The following RBFOX1 variants were observed in gnomAD, a reference collection of about 807,000 sequenced individuals.
RBFOX1 encodes RNA binding fox-1 homolog 1.
Under a neutral mutation model 57.7 loss-of-function variants are expected in RBFOX1, and 8 were observed. The ratio of observed to expected loss-of-function variants is 0.14; its 90% confidence interval spans 0.08 to 0.25. The LOEUF is 0.25. Ranked by LOEUF, RBFOX1 falls within the 10% of genes least tolerant of loss-of-function variation. RBFOX1 has a pLI of 1.00. For synonymous variants in RBFOX1, 326 were observed against 222.4 expected (o/e 1.47, Z -4.15); for missense variants, 611 against 548.5 (o/e 1.11, Z -1.14).
chr16:7,338,073 G>C (rs1213078835), intron 4 of RBFOX1, among the ~76,000 whole-genome samples: 1 of 152,224 alleles, frequency 6.6e-6, no homozygotes, highest in African/African-American at 2.4e-5. Context: ...GTAAGTTCCA[G>C]GGTACATGTG....
chr16:6,982,553 C>A (rs1018928614), intron 3 of RBFOX1, among the ~76,000 whole-genome samples: 1 of 152,182 alleles, frequency 6.6e-6, no homozygotes, highest in Admixed American at 6.6e-5. Flanking sequence ...TTGATGGAAT[C>A]TCCCTGTTAG....
At chr16:7,403,613 C>T (rs1216807392) in intron 4 of RBFOX1, among the ~76,000 whole-genome samples, 3 of 136,758 alleles carry the variant, frequency 2.2e-5, no homozygotes, top group African/African-American at 7.9e-5. Context: ...ATGGCACAAT[C>T]TCAGGTCAGG....
chr16:6,652,962 A>C (rs977459584), intron 2 of RBFOX1, among the ~76,000 whole-genome samples: 1 of 152,170 alleles, frequency 6.6e-6, no homozygotes, highest in Non-Finnish European at 1.5e-5. Context: ...ACTGATCTCA[A>C]AATAAAGTAA....
chr16:7,401,245 A>G (rs945304149), intron 4 of RBFOX1, among the ~76,000 whole-genome samples: 1 of 152,240 alleles, frequency 6.6e-6, no homozygotes, highest in East Asian at 1.9e-4. Context: ...AAAGAAGTCA[A>G]ACTACAAATA....
intron 3 of RBFOX1, among the ~76,000 whole-genome samples, chr16:6,732,413 C>A (rs966166362): frequency 3.3e-5 from 5 of 152,208 alleles, no homozygotes; most frequent in Admixed American, 6.5e-5. Context: ...CTCTCTGGCC[C>A]AAGCACCTGC....
intron 4 of RBFOX1, among the ~76,000 whole-genome samples, chr16:7,299,511 T>C (rs1462360292): frequency 6.6e-6 from 1 of 152,210 alleles, no homozygotes; most frequent in East Asian, 1.9e-4. Context: ...TGCAAAGCAA[T>C]TGCTGCTGAA....
intron 4 of RBFOX1, among the ~76,000 whole-genome samples, chr16:6,002,762 G>T (rs1469275268): frequency 6.6e-6 from 1 of 152,194 alleles, no homozygotes; most frequent in African/African-American, 2.4e-5. Flanking sequence ...ATTTATGTTT[G>T]CTAATTTCTT....
intron 1 of RBFOX1, among the ~76,000 whole-genome samples, chr16:6,070,867 G>A (rs2095828719): frequency 6.6e-6 from 1 of 151,330 alleles, no homozygotes; most frequent in South Asian, 2.1e-4. Flanking sequence ...AGAATCATTT[G>A]ACAGTAGCCG....
chr16:7,435,294 G>A (rs2098712999), intron 4 of RBFOX1, among the ~76,000 whole-genome samples: 1 of 152,056 alleles, frequency 6.6e-6, no homozygotes, highest in African/African-American at 2.4e-5. Flanking sequence ...CCACTGAGGA[G>A]TTTGTCTGAT....
intron 4 of RBFOX1, among the ~76,000 whole-genome samples, chr16:5,967,373 A>G (rs1050417040): frequency 3.3e-5 from 5 of 152,084 alleles, no homozygotes; most frequent in Non-Finnish European, 5.9e-5. Flanking sequence ...CTTCCTTGCT[A>G]CCTGGTTTGA....
At chr16:7,389,423 G>A (rs1233044111) in intron 4 of RBFOX1, among the ~76,000 whole-genome samples, 3 of 152,168 alleles carry the variant, frequency 2.0e-5, no homozygotes, top group African/African-American at 7.2e-5. Context: ...ACAGTGCCCA[G>A]CCAGATGTAA....
intron 3 of RBFOX1, among the ~76,000 whole-genome samples, chr16:6,898,127 A>C (rs1288228125): frequency 6.6e-6 from 1 of 152,228 alleles, no homozygotes; most frequent in African/African-American, 2.4e-5. Flanking sequence ...ATTCAGGACC[A>C]ATCTCTATTT....
intron 3 of RBFOX1, among the ~76,000 whole-genome samples, chr16:5,624,326 C>A (rs1245093610): frequency 1.3e-5 from 2 of 152,202 alleles, no homozygotes; most frequent in Non-Finnish European, 2.9e-5. Flanking sequence ...TCCCAAGCAG[C>A]TGGGACTACA....
rs371229723 is a variant in RBFOX1 at position 7,551,845 on chromosome 16, C to T, written c.271-27932C>T. 9.7e-4 allele frequency among the ~76,000 whole-genome samples: 147 copies of T among 152,202 alleles called. 1 individual carries two copies. The highest frequency in any genetic ancestry group is 3.3e-3 in the African/African-American group (137 of 41,534). ...TCTTTTTTCTTTTTCCAACATACTA[C>T]GGATGGTATGGCCAAGATAGGTTTC... On this transcript the variant is annotated intron_variant, in intron 5 of 15. Transcript: ENST00000550418.
At chr16:7,396,333 A>G (rs915489296) in intron 4 of RBFOX1, among the ~76,000 whole-genome samples, 3 of 152,122 alleles carry the variant, frequency 2.0e-5, no homozygotes, top group Non-Finnish European at 2.9e-5. Context: ...AAACGGGCAT[A>G]CCTCAGTTAC....
chr16:7,089,484 C>A lies in RBFOX1; in HGVS notation c.27+37386C>A, dbSNP rs78112551. Among the ~76,000 whole-genome samples the A allele has an allele frequency of 1.1e-3, 162 of 152,122 alleles. 1 individual carries two copies. Among genetic ancestry groups the A allele is most frequent in the African/African-American group, 3.7e-3 (152 of 41,498 alleles). On this transcript the variant is annotated intron_variant, in intron 4 of 15. Transcript: ENST00000550418. Reference sequence around the variant, plus strand: ...ATACTAGCATTTCATGGAAAGGAGCCTTTTTGGCTTTTATTTTGTGAACAG... The same window carrying A: ...ATACTAGCATTTCATGGAAAGGAGCATTTTTGGCTTTTATTTTGTGAACAG...
intron 4 of RBFOX1, among the ~76,000 whole-genome samples, chr16:7,102,704 T>C (rs923871969): frequency 1.3e-5 from 2 of 152,168 alleles, no homozygotes; most frequent in Non-Finnish European, 2.9e-5. Flanking sequence ...GATAGTTTAT[T>C]TTATGGAGAA....
At chr16:5,362,286 G>C (rs1175975049) in intron 1 of RBFOX1, among the ~76,000 whole-genome samples, 1 of 152,170 alleles carries the variant, frequency 6.6e-6, no homozygotes, top group African/African-American at 2.4e-5. Context: ...CGCCTCCTGG[G>C]TTTAAGTGAT....
At chr16:7,083,883 CTG>C (rs2059579948) in intron 4 of RBFOX1, among the ~76,000 whole-genome samples, 1 of 152,108 alleles carries the variant, frequency 6.6e-6, no homozygotes, top group Admixed American at 6.5e-5. Flanking sequence ...AATGGTGACT[CTG>C]TGGTGAAGCT....
Sources: gnomAD v4.1 joint callset for allele counts (sites outside exome capture counted in the v4.1 genomes callset) on GRCh38, gnomAD v4.1.1 for gene constraint, MANE v1.5 for transcripts, NCBI Gene and HGNC (gene_info 2026-07-23, HGNC 2026-07-21) for gene names.